The following ZNF277 variants were observed in gnomAD, a reference collection of about 807,000 sequenced individuals.
The protein encoded by ZNF277 is nuclear receptor-interacting factor 4.
In ZNF277, 55 loss-of-function variants were observed where a neutral mutation model predicts 60.7. The ratio of observed to expected loss-of-function variants is 0.91; its 90% CI spans 0.73 to 1.13. ZNF277 has a LOEUF of 1.13. Among genes scored for constraint, ZNF277 ranks in the 50% most tolerant of loss-of-function variants. The probability of loss-of-function intolerance (pLI) is 0.00; values close to 1 mark genes in which losing one functional copy is unlikely to be tolerated. For synonymous variants in ZNF277, 178 were observed against 179.3 expected (o/e 0.99, Z 0.06); for missense variants, 510 against 523.0 (o/e 0.98, Z 0.24).
chr7:112,231,650 T>TC (rs1418483455), intron 1 of ZNF277, among the ~76,000 whole-genome samples: 7 of 151,932 alleles, frequency 4.6e-5, no homozygotes, highest in African/African-American at 1.7e-4. Context: ...ATATAGATAC[T>TC]CCATTGCCTA....
chr7:112,239,313 C>T lies in ZNF277; in HGVS notation c.91+32506C>T, dbSNP rs972494402. Among the ~76,000 whole-genome samples, 8 of 152,186 alleles carry T rather than the reference C, an allele frequency of 5.3e-5. 1 individual carries two copies. The highest frequency in any genetic ancestry group is 1.2e-4 in the Non-Finnish European group (8 of 68,032). ...AGACCCACCCTTGGCCAGAAGAAAA[C>T]CCCCTCGCCCTGAAGGGAAGGACAC... On this transcript the variant is annotated intron_variant, in intron 1 of 11. Transcript: ENST00000361822.
intron 1 of ZNF277, among the ~76,000 whole-genome samples, chr7:112,217,156 T>G (rs1189147929): frequency 2.0e-5 from 3 of 152,192 alleles, no homozygotes; most frequent in Admixed American, 2.0e-4. Flanking sequence ...AAGTACATAT[T>G]ACAAGGTAGA....
intron 6 of ZNF277, chr7:112,328,060 A>C: frequency 2.8e-6 from 1 of 358,476 alleles, no homozygotes. Context: ...CATATCATAC[A>C]ATGTATGCCG....
At chr7:112,276,921 G>A (rs796312975) in intron 1 of ZNF277, among the ~76,000 whole-genome samples, 11 of 152,166 alleles carry the variant, frequency 7.2e-5, no homozygotes, top group African/African-American at 2.6e-4. Flanking sequence ...GGTTATTTTA[G>A]TAAGTTATTT....
chr7:112,247,455 A>G (rs564147994), intron 1 of ZNF277, among the ~76,000 whole-genome samples: 5 of 152,190 alleles, frequency 3.3e-5, no homozygotes, highest in African/African-American at 1.2e-4. Context: ...TAAAGGCAGG[A>G]TGAATTCAAG....
At chr7:112,257,734 T>C (rs1187532179) in intron 1 of ZNF277, among the ~76,000 whole-genome samples, 1 of 152,178 alleles carries the variant, frequency 6.6e-6, no homozygotes, top group Non-Finnish European at 1.5e-5. Context: ...TTAGATCCGA[T>C]TATTGAAAAG....
intron 1 of ZNF277, among the ~76,000 whole-genome samples, chr7:112,278,120 CTG>C (rs1168871728): frequency 6.6e-6 from 1 of 152,064 alleles, no homozygotes; most frequent in African/African-American, 2.4e-5. Flanking sequence ...TTCCTTATGT[CTG>C]TATCAAAAAT....
chr7:112,335,475 C>A (rs1793311314), intron 7 of ZNF277, among the ~76,000 whole-genome samples: 1 of 152,034 alleles, frequency 6.6e-6, no homozygotes, highest in African/African-American at 2.4e-5. Flanking sequence ...GACATAGCGC[C>A]AAAAGAGTGG....
intron 1 of ZNF277, among the ~76,000 whole-genome samples, chr7:112,258,548 T>C (rs1490765421): frequency 6.6e-6 from 1 of 152,190 alleles, no homozygotes; most frequent in Admixed American, 6.5e-5. Flanking sequence ...TTCCTAGCAC[T>C]GTGCTACTAT....
chr7:112,223,119 T>C (rs923426053), intron 1 of ZNF277, among the ~76,000 whole-genome samples: 5 of 152,200 alleles, frequency 3.3e-5, no homozygotes, highest in Non-Finnish European at 7.4e-5. Context: ...CCTTTATATG[T>C]ATATGTTTCA....
At chr7:112,221,532 C>T (rs553177041) in intron 1 of ZNF277, among the ~76,000 whole-genome samples, 3 of 152,258 alleles carry the variant, frequency 2.0e-5, no homozygotes, top group East Asian at 3.9e-4. Context: ...ATTTATTATG[C>T]ACTTTATTTC....
chr7:112,327,747 A>G lies in ZNF277; in HGVS notation c.588A>G (p.Glu196=). The change falls in exon 6 of 12, where the codon GAA becomes GAG. Residue 196 remains glutamate (E), a synonymous_variant. Coordinates refer to ENST00000361822, the MANE Select transcript of ZNF277 (RefSeq NM_021994.3). The part of the protein sequence containing the change: ...RSVILNHMAR[E]HAFNIGLPDN... ...TTATTTTGAACCACATGGCCAGAGA[A>G]CATGCTTTCAACATTGGATTGCCAG... 2 of 1,612,534 alleles carry G rather than the reference A, an allele frequency of 1.2e-6. No homozygotes were observed. The highest frequency in any genetic ancestry group is 1.1e-5 in the South Asian group (1 of 90,624).
chr7:112,330,215 T>C lies in ZNF277; in HGVS notation c.800T>C (p.Leu267Ser). 6.2e-7 allele frequency: 1 copy of C among 1,612,244 alleles called. No individual in the cohort carries two copies. The highest frequency in any genetic ancestry group is 1.1e-5 in the South Asian group (1 of 90,998). Residue 267 changes from leucine to serine, a missense_variant and splice_region_variant, in exon 7 of 12, where the codon TTG becomes TCG. Physicochemically the swap from Leu to Ser is moderately radical, Grantham distance 145 (BLOSUM62 -2). Transcript: ENST00000361822. ...GACAGATTTTATGTCATCAATTATT[T>C]GGTAAGGCTTTCTTTTCATAACTTA... Reference protein sequence around the residue: ...EYDRFYVINYLELGKSWEEVQ... With the variant: ...EYDRFYVINYSELGKSWEEVQ...
chr7:112,279,069 A>G (rs1791883960), intron 1 of ZNF277, among the ~76,000 whole-genome samples: 1 of 152,228 alleles, frequency 6.6e-6, no homozygotes, highest in African/African-American at 2.4e-5. Context: ...GCTGAATACT[A>G]TTCATTGTAT....
chr7:112,226,028 A>G (rs891342298), intron 1 of ZNF277, among the ~76,000 whole-genome samples: 3 of 152,206 alleles, frequency 2.0e-5, no homozygotes, highest in Non-Finnish European at 4.4e-5. Flanking sequence ...ATAGTTGACT[A>G]TCACAACTTT....
At chr7:112,296,663 T>C (rs1431630559) in intron 4 of ZNF277, among the ~76,000 whole-genome samples, 1 of 151,604 alleles carries the variant, frequency 6.6e-6, no homozygotes, top group African/African-American at 2.4e-5. Flanking sequence ...GTTGAATTGA[T>C]TAACCTTTTT....
chr7:112,255,188 C>T (rs969645287), intron 1 of ZNF277, among the ~76,000 whole-genome samples: 16 of 152,006 alleles, frequency 1.1e-4, no homozygotes, highest in Non-Finnish European at 2.2e-4. Flanking sequence ...GTGGTTAATA[C>T]TTCATTCTTT....
At chr7:112,220,808 A>T (rs1822007364) in intron 1 of ZNF277, among the ~76,000 whole-genome samples, 1 of 152,126 alleles carries the variant, frequency 6.6e-6, no homozygotes, top group African/African-American at 2.4e-5. Context: ...TTAGGCAAAA[A>T]CAGGAGGGAA....
chr7:112,300,795 C>T (rs1162073968), intron 4 of ZNF277, among the ~76,000 whole-genome samples: 2 of 152,132 alleles, frequency 1.3e-5, no homozygotes, highest in Non-Finnish European at 2.9e-5. Context: ...TACATAATGA[C>T]ACCACCATTC....
Sources: gnomAD v4.1 joint callset for allele counts (sites outside exome capture counted in the v4.1 genomes callset) on GRCh38, gnomAD v4.1.1 for gene constraint, MANE v1.5 for transcripts, NCBI Gene and HGNC (gene_info 2026-07-23, HGNC 2026-07-21) for gene names.